Variants in NEK7 observed in about 807,000 individuals in gnomAD.
NEK7 encodes NIMA related kinase 7, also known as serine/threonine-protein kinase Nek7.
In NEK7, 18 loss-of-function variants were observed where a neutral mutation model predicts 44.6. The observed-to-expected ratio is 0.40, with a 90% CI of 0.28 to 0.60. The LOEUF (loss-of-function observed/expected upper bound fraction) is 0.60. Ranked by LOEUF, NEK7 falls within the 20% of genes least tolerant of loss-of-function variation. The pLI, the probability that NEK7 is intolerant of heterozygous loss-of-function variation, is 0.38. For missense variants in NEK7, 256 were observed against 366.5 expected, an observed-to-expected ratio of 0.70 and a Z score of 2.46; for synonymous variants, 130 against 121.1, an observed-to-expected ratio of 1.07 and a Z score of -0.48.
chr1:198,306,785 A>AT (rs1420738336), intron 9 of NEK7, among the ~76,000 whole-genome samples: 1 of 152,060 alleles, frequency 6.6e-6, no homozygotes, highest in Non-Finnish European at 1.5e-5. Flanking sequence ...GTTACTTGTG[A>AT]TTTTTCCCCT....
chr1:198,232,501 T>A, intron 1 of NEK7, 52 bp from the exon 2 acceptor site: 1 of 821,514 alleles, frequency 1.2e-6, no homozygotes, highest in South Asian at 1.4e-5. Context: ...TGATGAATGA[T>A]GTGAATTGGT....
At chr1:198,200,812 A>T (rs529090853) in intron 1 of NEK7, among the ~76,000 whole-genome samples, 1 of 152,150 alleles carries the variant, frequency 6.6e-6, no homozygotes, top group East Asian at 1.9e-4. Context: ...CGGCCTCCCA[A>T]AGTGTTGGGA....
intron 1 of NEK7, among the ~76,000 whole-genome samples, chr1:198,172,591 T>C (rs1034259042): frequency 2.0e-5 from 3 of 152,210 alleles, no homozygotes; most frequent in South Asian, 2.1e-4. Context: ...ACCATCTTGG[T>C]GCTGAGACAG....
At chr1:198,165,687 C>G (rs559748403) in intron 1 of NEK7, among the ~76,000 whole-genome samples, 17 of 152,224 alleles carry the variant, frequency 1.1e-4, no homozygotes, top group South Asian at 8.3e-4. Flanking sequence ...CTTAAGGGCC[C>G]TAGGATTTTC....
Position 198,277,986 on chromosome 1 carries a change from T to C in NEK7, c.398T>C (p.Ile133Thr). 6.2e-7 allele frequency: 1 copy of C among 1,605,468 alleles called. No individual in the cohort carries two copies. The highest frequency in any genetic ancestry group is 8.5e-7 in the Non-Finnish European group (1 of 1,173,762). ...CATTTTAAGAAGCAAAAGAGGCTAA[T>C]TCCTGAAAGAACTGTTTGGAAGTAT... is the stretch of plus-strand genomic sequence containing the variant. ...IKHFKKQKRLIPERTVWKYFV... is the reference protein window; with the variant it reads ...IKHFKKQKRLTPERTVWKYFV... The change falls in exon 6 of 10, where the codon ATT becomes ACT. Residue 133 changes from isoleucine (I) to threonine (T), a missense_variant. Ile to Thr is a moderately conservative substitution (Grantham distance 89). Coordinates refer to ENST00000367385, the MANE Select transcript of NEK7 (RefSeq NM_133494.3).
At chr1:198,191,289 A>C (rs1006193730) in intron 1 of NEK7, among the ~76,000 whole-genome samples, 2 of 152,048 alleles carry the variant, frequency 1.3e-5, no homozygotes, top group Non-Finnish European at 2.9e-5. Flanking sequence ...CCTGTAGTAT[A>C]TGTGAGTTCC....
In NEK7 at chr1:198,157,054, C is replaced by A. The variant is rs1167607671; in HGVS notation, c.-251C>A. ...GATCGGGAGTCGCGGGAGGATGGGC[C>A]GCCGCTAGGCTCGCACTCCGGACGC... On this transcript the variant is annotated 5_prime_UTR_variant, in exon 1 of 10. Coordinates refer to ENST00000367385, the MANE Select transcript of NEK7 (RefSeq NM_133494.3). 6.6e-6 allele frequency: 1 copy of A among 151,960 alleles called. No individual in the cohort carries two copies. Among genetic ancestry groups the A allele is most frequent in the East Asian group, 2.0e-4 (1 of 5,124 alleles). 9.4% of individuals were successfully genotyped at this position (151,960 alleles called of 1,614,324 possible). A position where few individuals can be genotyped will look rare whatever the true frequency, so the allele number is the denominator to read the frequency against.
At chr1:198,250,455 A>G (rs1423238284) in intron 2 of NEK7, among the ~76,000 whole-genome samples, 2 of 151,984 alleles carry the variant, frequency 1.3e-5, no homozygotes, top group Non-Finnish European at 1.5e-5. Flanking sequence ...CATTGAATCT[A>G]TAAATTACCT....
At chr1:198,233,763 T>TTTG (rs1666468628) in intron 2 of NEK7, among the ~76,000 whole-genome samples, 1 of 151,586 alleles carries the variant, frequency 6.6e-6, no homozygotes, top group African/African-American at 2.4e-5. Context: ...TTTTTTTTTT[T>TTTG]TTAGTGCATC....
chr1:198,174,514 C>T (rs932087930), intron 1 of NEK7, among the ~76,000 whole-genome samples: 8 of 152,022 alleles, frequency 5.3e-5, no homozygotes, highest in African/African-American at 1.7e-4. Context: ...CGATTGTGTC[C>T]TACTAACCTA....
intron 1 of NEK7, among the ~76,000 whole-genome samples, chr1:198,228,237 T>C (rs1169430313): frequency 6.6e-6 from 1 of 152,138 alleles, no homozygotes; most frequent in African/African-American, 2.4e-5. Context: ...ATCTCTGTTT[T>C]GGTACCAGTA....
chr1:198,262,429 A>T, intron 3 of NEK7, 146 bp from the exon 4 acceptor site: 1 of 506,092 alleles, frequency 2.0e-6, no homozygotes. Flanking sequence ...TAAGATACCT[A>T]CAGAACTCCT....
chr1:198,188,667 T>A (rs56345981), intron 1 of NEK7, among the ~76,000 whole-genome samples: 6,779 of 152,130 alleles, frequency 0.045, 244 homozygotes, highest in Middle Eastern at 0.065. Context: ...AACACTTGGC[T>A]CTCCTGATAT....
At chr1:198,303,940 C>G (rs2103024105) in intron 9 of NEK7, among the ~76,000 whole-genome samples, 1 of 152,200 alleles carries the variant, frequency 6.6e-6, no homozygotes, top group South Asian at 2.1e-4. Flanking sequence ...CTATTAATAA[C>G]ATTTGATTTT....
intron 3 of NEK7, chr1:198,256,194 A>AT: frequency 9.3e-7 from 1 of 1,076,092 alleles, no homozygotes; most frequent in South Asian, 2.8e-5. Context: ...CTGCTTACAA[A>AT]TTTTTAATGA....
rs1179593343 is a variant in NEK7 at position 198,251,648 on chromosome 1, C to T, written c.58-1392C>T. 2.0e-5 allele frequency among the ~76,000 whole-genome samples: 3 copies of T among 151,786 alleles called. No individual in the cohort carries two copies. The South Asian group carries it at 6.2e-4, about 32-fold the overall frequency. On this transcript the variant is annotated intron_variant, in intron 2 of 9. Coordinates refer to ENST00000367385, the MANE Select transcript of NEK7 (RefSeq NM_133494.3). ...AATTTATCCATTTCTTCTAGATTTT[C>T]TAGTTTATTTGCGTAGAGGTGTTTG...
chr1:198,255,479 GA>G (rs1218429850), intron 3 of NEK7, among the ~76,000 whole-genome samples: 1 of 151,962 alleles, frequency 6.6e-6, no homozygotes, highest in Non-Finnish European at 1.5e-5. Context: ...CTTCTCATTA[GA>G]AACAGAAAGA....
intron 1 of NEK7, among the ~76,000 whole-genome samples, chr1:198,228,277 A>G (rs1295528136): frequency 1.3e-5 from 2 of 152,072 alleles, no homozygotes; most frequent in Non-Finnish European, 2.9e-5. Flanking sequence ...GTAGCCTTGT[A>G]GTATAGTTTG....
chr1:198,167,933 A>G (rs1436402161), intron 1 of NEK7, among the ~76,000 whole-genome samples: 1 of 152,222 alleles, frequency 6.6e-6, no homozygotes, highest in Non-Finnish European at 1.5e-5. Context: ...GTCAGTAGAT[A>G]CAAGCCTTTG....
Sources: gnomAD v4.1 joint callset for allele counts (sites outside exome capture counted in the v4.1 genomes callset) on GRCh38, gnomAD v4.1.1 for gene constraint, MANE v1.5 for transcripts, NCBI Gene and HGNC (gene_info 2026-07-23, HGNC 2026-07-21) for gene names.